RAD51B: variants seen among roughly 807,000 people sequenced by gnomAD.
RAD51B encodes the protein DNA repair protein RAD51 homolog 2.
A neutral mutation model predicts 42.2 loss-of-function variants in RAD51B; 38 were observed. The ratio of observed to expected loss-of-function variants is 0.90; its 90% CI spans 0.70 to 1.18. The LOEUF is 1.18. RAD51B is among the 50% of genes most tolerant of loss of function. The pLI is 0.00. For missense variants in RAD51B, 373 were observed against 400.7 expected (o/e 0.93, Z 0.59); for synonymous variants, 154 against 145.2 (o/e 1.06, Z -0.43).
rs924207078 is a variant in RAD51B, at chr14:67,904,458, G to A, written c.756+17254G>A. ...ATAGCTATTCTGACTGGTGTGAGAT[G>A]GTATCTCATTTTGATTTTAGTATAC... On this transcript the variant is annotated intron_variant, in intron 7 of 10. Coordinates refer to ENST00000471583, the MANE Select transcript of RAD51B (RefSeq NM_133510.4). Among the ~76,000 whole-genome samples the A allele has an allele frequency of 2.0e-5, 3 of 150,790 alleles. No homozygotes were observed. The East Asian group carries it at 5.8e-4, about 29-fold the overall frequency.
rs377646957 is a variant in RAD51B at position 68,142,915 on chromosome 14, G to A, written c.757-148969G>A. 1.1e-3 allele frequency among the ~76,000 whole-genome samples: 162 copies of A among 151,706 alleles called. 2 individuals are homozygous for A. The South Asian group carries it at 0.033, about 31-fold the overall frequency. On this transcript the variant is annotated intron_variant, in intron 7 of 10. Transcript: ENST00000471583. ...TTATCAAGTCTCCACTAAAAAAGGG[G>A]TTGGGGGCTTGCAGTGAGCTGAGAT...
chr14:68,625,261 C>T (rs571896480), intron 10 of RAD51B, among the ~76,000 whole-genome samples: 211 of 152,260 alleles, frequency 1.4e-3, no homozygotes, highest in Admixed American at 4.8e-3. Flanking sequence ...AGATGTGTAT[C>T]GGAGCTACAA....
intron 11 of RAD51B, among the ~76,000 whole-genome samples, chr14:68,673,452 A>G (rs1893204521): frequency 6.6e-6 from 1 of 152,014 alleles, no homozygotes; most frequent in Non-Finnish European, 1.5e-5. Flanking sequence ...ACGTACACAT[A>G]CTGTATGCAC....
chr14:68,028,830 G>A (rs1052244291), intron 7 of RAD51B, among the ~76,000 whole-genome samples: 1 of 152,206 alleles, frequency 6.6e-6, no homozygotes, highest in East Asian at 1.9e-4. Context: ...CTGGGTTAGA[G>A]CTTCTTGGAG....
chr14:68,599,909 C>T (rs1191146900), downstream of RAD51B, among the ~76,000 whole-genome samples: 1 of 152,218 alleles, frequency 6.6e-6, no homozygotes, highest in African/African-American at 2.4e-5. Flanking sequence ...AGGTCCCAGG[C>T]CCTGGTCCTG....
intron 4 of RAD51B, among the ~76,000 whole-genome samples, chr14:67,851,491 T>C (rs966886820): frequency 5.3e-5 from 8 of 151,894 alleles, no homozygotes; most frequent in Non-Finnish European, 1.2e-4. Context: ...GCAGTCCTGG[T>C]TGGGGAGTGG....
At chr14:68,334,562 T>C (rs2139813189) in intron 8 of RAD51B, among the ~76,000 whole-genome samples, 1 of 152,194 alleles carries the variant, frequency 6.6e-6, no homozygotes, top group South Asian at 2.1e-4. Context: ...AAAAAATCCA[T>C]ATGTAAGTGG....
At chr14:68,636,754 A>ACATGCC (rs1351394905) in intron 10 of RAD51B, among the ~76,000 whole-genome samples, 2 of 152,228 alleles carry the variant, frequency 1.3e-5, no homozygotes, top group African/African-American at 4.8e-5. Context: ...GCTGAAGCAG[A>ACATGCC]CATGCCCAGC....
At chr14:67,825,238 C>T (rs866574821) in intron 2 of RAD51B, among the ~76,000 whole-genome samples, 2 of 152,118 alleles carry the variant, frequency 1.3e-5, no homozygotes, top group African/African-American at 4.8e-5. Flanking sequence ...GGTGTATCCT[C>T]TGGTATATGC....
At chr14:67,875,291 T>C (rs2042689746) in intron 5 of RAD51B, among the ~76,000 whole-genome samples, 1 of 152,164 alleles carries the variant, frequency 6.6e-6, no homozygotes, top group Non-Finnish European at 1.5e-5. Flanking sequence ...GGTACTTGTA[T>C]TGGTAGTGTG....
rs1156621815 is a variant in RAD51B, at chr14:68,326,027, C to CTTTTTTTTTTTTTTTTT, written c.853+34052_853+34053insTTTTTTTTTTTTTTTTT. Among the ~76,000 whole-genome samples the CTTTTTTTTTTTTTTTTT allele has an allele frequency of 3.9e-5, 2 of 51,636 alleles. 1 individual carries two copies. Among genetic ancestry groups the CTTTTTTTTTTTTTTTTT allele is most frequent in the Non-Finnish European group, 8.5e-5 (2 of 23,512 alleles). 33.9% of individuals were successfully genotyped at this position (51,636 alleles called of 152,430 possible). A position where few individuals can be genotyped will look rare whatever the true frequency, so the allele number is the denominator to read the frequency against. On this transcript the variant is annotated intron_variant, in intron 8 of 10. Coordinates refer to ENST00000471583, the MANE Select transcript of RAD51B (RefSeq NM_133510.4). ...ATACTAATTGAATAATGTTGTTATT[C>CTTTTTTTTTTTTTTTTT]TTTTTCTTTTCTTTTTTTTTTTTTT...
At chr14:67,939,837 G>A (rs2045098681) in intron 7 of RAD51B, among the ~76,000 whole-genome samples, 2 of 150,886 alleles carry the variant, frequency 1.3e-5, no homozygotes, top group Admixed American at 1.3e-4. Context: ...TGGGGATTAG[G>A]GTTTTAATAC....
At chr14:68,661,274 C>G (rs182441901) in intron 11 of RAD51B, among the ~76,000 whole-genome samples, 15 of 152,318 alleles carry the variant, frequency 9.8e-5, no homozygotes, top group African/African-American at 3.6e-4. Context: ...CACTGCAGAA[C>G]AGGAGAAATT....
intron 7 of RAD51B, among the ~76,000 whole-genome samples, chr14:68,219,118 T>C (rs961171812): frequency 2.0e-5 from 3 of 152,232 alleles, no homozygotes; most frequent in African/African-American, 4.8e-5. Flanking sequence ...CAGAGCAGCA[T>C]AGCTGACAGA....
chr14:67,947,883 T>G (rs1483207105), intron 7 of RAD51B, among the ~76,000 whole-genome samples: 1 of 152,224 alleles, frequency 6.6e-6, no homozygotes, highest in East Asian at 1.9e-4. Flanking sequence ...TAAGAAACAC[T>G]TTCTACTCTC....
At chr14:68,641,573 T>A (rs11158754) in intron 10 of RAD51B, among the ~76,000 whole-genome samples, 28,949 of 146,430 alleles carry the variant, frequency 0.2, 3,819 homozygotes, top group South Asian at 0.24. Flanking sequence ...AGATGTTAGC[T>A]GTAGATTTTT....
chr14:68,210,602 T>C (rs1452267353), intron 7 of RAD51B, among the ~76,000 whole-genome samples: 1 of 152,164 alleles, frequency 6.6e-6, no homozygotes, highest in Non-Finnish European at 1.5e-5. Context: ...TAGTAGTAAC[T>C]GCCACTGCTG....
intron 7 of RAD51B, among the ~76,000 whole-genome samples, chr14:68,206,676 A>G (rs1231260617): frequency 7.6e-6 from 1 of 131,550 alleles, no homozygotes; most frequent in African/African-American, 2.8e-5. Context: ...TCCACCGTCT[A>G]TTTTTTTTTT....
At chr14:68,208,607 C>G (rs529944928) in intron 7 of RAD51B, among the ~76,000 whole-genome samples, 2 of 152,128 alleles carry the variant, frequency 1.3e-5, no homozygotes, top group Admixed American at 6.5e-5. Context: ...ATGTTAGAAG[C>G]TAGAGAGGAT....
Sources: gnomAD v4.1 joint callset for allele counts (sites outside exome capture counted in the v4.1 genomes callset) on GRCh38, gnomAD v4.1.1 for gene constraint, MANE v1.5 for transcripts, NCBI Gene and HGNC (gene_info 2026-07-23, HGNC 2026-07-21) for gene names.